Variants in USP37 observed in about 807,000 individuals in gnomAD.
The protein encoded by USP37 is ubiquitin carboxyl-terminal hydrolase 37.
Under a neutral mutation model 124.0 loss-of-function variants are expected in USP37, and 27 were observed. That is an observed-to-expected ratio of 0.22 (90% CI 0.16 to 0.30). The LOEUF (loss-of-function observed/expected upper bound fraction) is 0.30. Ranked by LOEUF, USP37 falls within the 10% of genes least tolerant of loss-of-function variation. USP37 has a pLI of 1.00. For missense variants in USP37, 889 were observed against 1,140.4 expected (o/e 0.78, Z 3.17); for synonymous variants, 365 against 388.0 (o/e 0.94, Z 0.70).
At position 218,491,731 on chromosome 2, in the gene USP37, G is replaced by A. The variant is rs564318579; in HGVS notation, c.1473-3310C>T. Among the ~76,000 whole-genome samples the A allele has an allele frequency of 5.1e-3, 777 of 152,194 alleles. 5 individuals carry two copies. The highest frequency in any genetic ancestry group is 8.2e-3 in the Non-Finnish European group (559 of 68,000). The stretch of plus-strand genomic sequence containing the variant: ...TTATACTGGGAGAGACAATGAAATC[G>A]ACACTAGTAAAACATACAGTATGTT... On this transcript the variant is annotated intron_variant, in intron 14 of 25. Transcript: ENST00000258399.
At position 218,510,088 on chromosome 2, in the gene USP37, G is replaced by A; in HGVS notation, c.916C>T (p.Pro306Ser). The A allele has an allele frequency of 1.2e-6, 2 of 1,613,058 alleles. No homozygotes were observed. Among genetic ancestry groups the A allele is most frequent in the Non-Finnish European group, 1.7e-6 (2 of 1,179,808 alleles). ...PSAKRSLGFL[P>S]QPVPLSVKKL... ...TTAACAGAAAGAGGAACTGGCTGAG[G>A]AAGAAATCCCAAACTTCTTTTGGCA... Residue 306 changes from proline (P) to serine (S), a missense_variant, in exon 11 of 26, where the codon CCT (proline) becomes TCT (serine). Physicochemically the swap from Pro to Ser is moderately conservative, Grantham distance 74. Coordinates refer to ENST00000258399, the MANE Select transcript of USP37 (RefSeq NM_020935.3).
At chr2:218,459,685 C>A in intron 23 of USP37, 105 bp downstream of exon 23, 1 of 860,586 alleles carries the variant, frequency 1.2e-6, no homozygotes, top group Non-Finnish European at 1.8e-6. Context: ...ACTGAAAGGG[C>A]CAAAATGAAC....
At chr2:218,524,664 C>T (rs995877081) in intron 10 of USP37, among the ~76,000 whole-genome samples, 29 of 152,198 alleles carry the variant, frequency 1.9e-4, no homozygotes, top group Non-Finnish European at 3.7e-4. Flanking sequence ...GAATGGAGTG[C>T]AGTGGCGCGT....
intron 4 of USP37, among the ~76,000 whole-genome samples, chr2:218,554,632 AAC>A (rs1452353683): frequency 6.6e-6 from 1 of 152,108 alleles, no homozygotes; most frequent in Non-Finnish European, 1.5e-5. Context: ...CTGTAGTCCC[AAC>A]TACTCGGGAG....
At position 218,512,503 on chromosome 2, in the gene USP37, G is replaced by A. The variant is rs577952379; in HGVS notation, c.864-2363C>T. Among the ~76,000 whole-genome samples the A allele has an allele frequency of 9.2e-5, 14 of 151,954 alleles. No individual in the cohort carries two copies. In the South Asian group the frequency reaches 2.7e-3, roughly 29 times the overall value. ...AGCCTGAGGGACAGAGAGAGACGCTGTCTCAAAAAAAATAAAAAAAGTTAA... is the reference window on the plus strand; with the variant it reads ...AGCCTGAGGGACAGAGAGAGACGCTATCTCAAAAAAAATAAAAAAAGTTAA... On this transcript the variant is annotated intron_variant, in intron 10 of 25. Transcript: ENST00000258399.
At chr2:218,455,108 G>A (rs1689622297) in intron 25 of USP37, 91 bp from the exon 26 acceptor site, 1 of 1,437,714 alleles carries the variant, frequency 7.0e-7, no homozygotes, top group South Asian at 1.2e-5. Context: ...AAATTGATAT[G>A]GATAAGGCCT....
At chr2:218,509,226 A>G (rs1343441724) in intron 11 of USP37, among the ~76,000 whole-genome samples, 2 of 152,354 alleles carry the variant, frequency 1.3e-5, no homozygotes, top group African/African-American at 4.8e-5. Context: ...GCAATATAGC[A>G]TAGTGATTAA....
chr2:218,520,864 G>C (rs528512203), intron 10 of USP37, among the ~76,000 whole-genome samples: 18 of 152,250 alleles, frequency 1.2e-4, no homozygotes, highest in African/African-American at 4.1e-4. Context: ...ATATAGTTTG[G>C]ATATTTGTCC....
chr2:218,471,521 C>A (rs932340993), intron 20 of USP37, among the ~76,000 whole-genome samples: 4 of 152,140 alleles, frequency 2.6e-5, no homozygotes, highest in African/African-American at 7.2e-5. Context: ...TATCTCTAGT[C>A]TGAATTTCTC....
chr2:218,481,950 G>A, intron 17 of USP37, 120 bp downstream of exon 17: 1 of 1,177,374 alleles, frequency 8.5e-7, no homozygotes, highest in Non-Finnish European at 1.2e-6. Flanking sequence ...CACTGCATCT[G>A]GCCATTGATC....
chr2:218,488,201 AAG>A, intron 15 of USP37, 101 bp downstream of exon 15: 2 of 679,340 alleles, frequency 2.9e-6, no homozygotes. Flanking sequence ...AAAAAAAGAA[AAG>A]AAAAGAAACT....
chr2:218,557,522 G>T (rs1307925097), intron 4 of USP37, among the ~76,000 whole-genome samples: 5 of 151,634 alleles, frequency 3.3e-5, no homozygotes, highest in Admixed American at 1.3e-4. Flanking sequence ...TTCAAAAGCA[G>T]AGACAAATAC....
intron 11 of USP37, among the ~76,000 whole-genome samples, chr2:218,506,477 G>A (rs140488824): frequency 1.3e-5 from 2 of 151,426 alleles, no homozygotes; most frequent in African/African-American, 4.9e-5. Context: ...TTTTAGTAGA[G>A]ATGGGGTTTC....
chr2:218,495,980 T>TA lies in USP37; in HGVS notation c.1282-31dup, dbSNP rs1352089692. On this transcript the variant is annotated intron_variant, in intron 13 of 25. Coordinates refer to ENST00000258399, the MANE Select transcript of USP37 (RefSeq NM_020935.3). ...TAAGACAACAATATCCTTAATCAGA[T>TA]AAAAACATTTCTTGTCACAATAGCT... 4 of 1,579,954 alleles carry TA rather than the reference T, an allele frequency of 2.5e-6. No homozygotes were observed. The African/African-American group carries it at 5.4e-5, about 22-fold the overall frequency.
intron 5 of USP37, among the ~76,000 whole-genome samples, chr2:218,552,080 C>T (rs1692692607): frequency 6.6e-6 from 1 of 152,124 alleles, no homozygotes; most frequent in African/African-American, 2.4e-5. Flanking sequence ...GTGTGAGCAA[C>T]CGTGCCTGGC....
Position 218,526,682 on chromosome 2 carries a change from C to A in USP37, c.863+3274G>T, listed in dbSNP as rs192136277. Among the ~76,000 whole-genome samples, 143 of 151,732 alleles carry A rather than the reference C, an allele frequency of 9.4e-4. 1 individual carries two copies. The highest frequency in any genetic ancestry group is 3.3e-3 in the African/African-American group (138 of 41,376). ...ACCATTTTCATTTATTACTTCTTTG[C>A]CAATTTCCTTGCCTTTATTTTCCTT... On this transcript the variant is annotated intron_variant, in intron 10 of 25. Coordinates refer to ENST00000258399, the MANE Select transcript of USP37 (RefSeq NM_020935.3).
At chr2:218,548,106 G>A (rs764082537) in intron 6 of USP37, among the ~76,000 whole-genome samples, 9 of 152,044 alleles carry the variant, frequency 5.9e-5, no homozygotes, top group Non-Finnish European at 1.2e-4. Context: ...ATATTCTCAA[G>A]GTTCACAAAT....
chr2:218,503,403 G>A lies in USP37; in HGVS notation c.1026-5246C>T, dbSNP rs570867492. Among the ~76,000 whole-genome samples, 53 of 152,370 alleles carry A rather than the reference G, an allele frequency of 3.5e-4. No individual in the cohort carries two copies. The South Asian group carries it at 8.5e-3, about 24-fold the overall frequency. ...TGTAAAAAAATCCTAACTACGTATT[G>A]TGGGATGTATAACATACATAGAAGT... On this transcript the variant is annotated intron_variant, in intron 11 of 25. Transcript: ENST00000258399.
chr2:218,510,278 A>C, intron 10 of USP37, 138 bp from the exon 11 acceptor site: 1 of 898,810 alleles, frequency 1.1e-6, no homozygotes, highest in Non-Finnish European at 1.6e-6. Flanking sequence ...TGATCACTTA[A>C]GGGAAAACTC....
Sources: allele counts gnomAD v4.1 joint callset (sites outside exome capture counted in the v4.1 genomes callset), GRCh38; gene constraint gnomAD v4.1.1; transcripts MANE v1.5; gene names NCBI Gene and HGNC (gene_info 2026-07-23, HGNC 2026-07-21).